The following NRXN3 variants were observed in gnomAD, a reference collection of about 807,000 sequenced individuals.
The protein encoded by NRXN3 is neurexin III.
In NRXN3, 32 loss-of-function variants were observed where a neutral mutation model predicts 137.6. That is an observed-to-expected ratio of 0.23 (90% CI 0.18 to 0.31). The LOEUF is 0.31. Ranked by LOEUF, NRXN3 falls within the 10% of genes least tolerant of loss-of-function variation. NRXN3 has a pLI of 1.00. For missense variants in NRXN3, 1,574 were observed against 2,062.5 expected (o/e 0.76, Z 4.59); for synonymous variants, 798 against 784.5 (o/e 1.02, Z -0.29).
chr14:78,178,068 A>G (rs1335112386), intron 1 of NRXN3: 2 of 152,298 alleles, frequency 1.3e-5, no homozygotes, highest in Admixed American at 6.5e-5. Flanking sequence ...CTGTCTTACA[A>G]ATGAAGTAAC....
intron 2 of NRXN3, among the ~76,000 whole-genome samples, chr14:78,253,314 T>A (rs1057514892): frequency 6.6e-6 from 1 of 152,180 alleles, no homozygotes; most frequent in African/African-American, 2.4e-5. Flanking sequence ...ACATTTATTA[T>A]AATGTATTAC....
chr14:78,260,598 TG>T (rs1367154416), intron 2 of NRXN3, among the ~76,000 whole-genome samples: 2 of 152,182 alleles, frequency 1.3e-5, no homozygotes, highest in East Asian at 3.8e-4. Flanking sequence ...AATTGAATCA[TG>T]GGGGCAGGTC....
chr14:79,449,008 G>A (rs1053115882), intron 15 of NRXN3, among the ~76,000 whole-genome samples: 25 of 152,046 alleles, frequency 1.6e-4, no homozygotes, highest in Non-Finnish European at 4.4e-5. Context: ...TATTGAGTAG[G>A]GTAAAAGGAG....
At chr14:78,856,397 A>C (rs940937456) in intron 10 of NRXN3, among the ~76,000 whole-genome samples, 9 of 152,238 alleles carry the variant, frequency 5.9e-5, no homozygotes, top group South Asian at 2.1e-4. Context: ...ATAACTCCCC[A>C]AAAATAAGTA....
intron 10 of NRXN3, among the ~76,000 whole-genome samples, chr14:78,919,803 A>C (rs1293403663): frequency 6.6e-6 from 1 of 151,744 alleles, no homozygotes; most frequent in Admixed American, 6.7e-5. Context: ...TTTTTAATCA[A>C]TTGACATTAC....
At position 79,867,864 on chromosome 14, in the gene NRXN3, G is replaced by A. The variant is rs555813515; in HGVS notation, c.*5900G>A. 3.9e-5 allele frequency: 6 copies of A among 152,246 alleles called. No homozygotes were observed. In the South Asian group the frequency reaches 8.3e-4, roughly 21 times the overall value. 9.4% of individuals were successfully genotyped at this position (152,246 alleles called of 1,614,324 possible). On this transcript the variant is annotated 3_prime_UTR_variant, in exon 21 of 21. Transcript: ENST00000335750. ...GAAGAGCAGTGTTAGGGTTGCATGA[G>A]AGTGAGGGCATATAAGACAACAACA...
At chr14:78,365,470 T>C (rs2085786089) in intron 4 of NRXN3, among the ~76,000 whole-genome samples, 1 of 152,078 alleles carries the variant, frequency 6.6e-6, no homozygotes, top group Non-Finnish European at 1.5e-5. Flanking sequence ...AAAAACAGAA[T>C]GTGGAAGATA....
At chr14:79,592,244 T>C (rs2097812460) in intron 16 of NRXN3, among the ~76,000 whole-genome samples, 1 of 152,252 alleles carries the variant, frequency 6.6e-6, no homozygotes. Context: ...GATTGCTTTT[T>C]AATAATATAA....
intron 15 of NRXN3, chr14:79,280,752 T>C: frequency 1.8e-6 from 1 of 561,778 alleles, no homozygotes; most frequent in South Asian, 2.1e-5. Context: ...TCCACTTTTC[T>C]CTAAAGGGTT....
intron 16 of NRXN3, among the ~76,000 whole-genome samples, chr14:79,546,707 T>C (rs79081070): frequency 0.033 from 5,087 of 152,272 alleles, 120 homozygotes; most frequent in Middle Eastern, 0.11. Context: ...GTGGATAGAT[T>C]TTCTTTTCCA....
intron 10 of NRXN3, among the ~76,000 whole-genome samples, chr14:78,888,924 G>A (rs375404295): frequency 6.6e-6 from 1 of 150,802 alleles, no homozygotes; most frequent in African/African-American, 2.4e-5. Context: ...TGCCTATTTT[G>A]TTTATAATGG....
intron 14 of NRXN3, among the ~76,000 whole-genome samples, chr14:78,981,872 A>G (rs1004403195): frequency 6.6e-6 from 1 of 152,240 alleles, no homozygotes; most frequent in Non-Finnish European, 1.5e-5. Context: ...ATACATTGAC[A>G]TAAAATAGGC....
chr14:78,366,351 C>T (rs1312313672), intron 4 of NRXN3, among the ~76,000 whole-genome samples: 5 of 152,128 alleles, frequency 3.3e-5, no homozygotes, highest in Non-Finnish European at 7.4e-5. Flanking sequence ...AGATGGTTAT[C>T]AGGTCATTAT....
chr14:78,633,322 C>T (rs2152541357), intron 4 of NRXN3, among the ~76,000 whole-genome samples: 1 of 148,260 alleles, frequency 6.7e-6, no homozygotes, highest in Admixed American at 6.7e-5. Flanking sequence ...TAAATACTTT[C>T]TTCTAGTTTT....
At chr14:79,436,788 A>T (rs1277446354) in intron 15 of NRXN3, among the ~76,000 whole-genome samples, 1 of 152,168 alleles carries the variant, frequency 6.6e-6, no homozygotes, top group Non-Finnish European at 1.5e-5. Context: ...TTCATTACTA[A>T]TTGGATTAAG....
intron 1 of NRXN3, among the ~76,000 whole-genome samples, chr14:78,241,629 A>T (rs1258035641): frequency 1.3e-5 from 2 of 152,156 alleles, no homozygotes; most frequent in African/African-American, 4.8e-5. Context: ...CGAAAAAAAA[A>T]AAAAGGCTTA....
intron 17 of NRXN3, 27 bp downstream of exon 17, chr14:79,663,976 A>C: frequency 6.2e-7 from 1 of 1,604,776 alleles, no homozygotes; most frequent in South Asian, 1.1e-5. Context: ...CAATGGTCCT[A>C]CTCTTTTTGA....
At chr14:78,507,456 C>T (rs762846406) in intron 4 of NRXN3, among the ~76,000 whole-genome samples, 33 of 152,178 alleles carry the variant, frequency 2.2e-4, no homozygotes, top group Non-Finnish European at 4.1e-4. Flanking sequence ...GGCCATGCCA[C>T]TTTTCTCCAA....
chr14:78,438,548 CT>C (rs922612064), intron 4 of NRXN3, among the ~76,000 whole-genome samples: 1 of 152,146 alleles, frequency 6.6e-6, no homozygotes, highest in African/African-American at 2.4e-5. Context: ...AATCACACAG[CT>C]TTTGAAAACA....
Sources: allele counts gnomAD v4.1 joint callset (sites outside exome capture counted in the v4.1 genomes callset), GRCh38; gene constraint gnomAD v4.1.1; transcripts MANE v1.5; gene names NCBI Gene and HGNC (gene_info 2026-07-23, HGNC 2026-07-21).